Variants in PLCG1 observed in about 807,000 individuals in gnomAD.
PLCG1 encodes the protein phospholipase C gamma 1.
Under a neutral mutation model 177.8 loss-of-function variants are expected in PLCG1, and 71 were observed. The ratio of observed to expected loss-of-function variants is 0.40; its 90% CI spans 0.33 to 0.49. The LOEUF is 0.49. PLCG1 is among the 20% of genes least tolerant of loss of function. The pLI is 0.72. For missense variants in PLCG1, 1,281 were observed against 1,709.0 expected (o/e 0.75, Z 4.42); for synonymous variants, 658 against 647.9 (o/e 1.02, Z -0.24).
Position 41,172,939 on chromosome 20 carries a change from T to G in PLCG1, c.3279+62T>G. On this transcript the variant is annotated intron_variant, in intron 27 of 31. Coordinates refer to ENST00000685551, the MANE Select transcript of PLCG1 (RefSeq NM_002660.3). The surrounding 1 kb of genome is among the most constrained non-coding windows in gnomAD (Gnocchi z 7.0). ...GGGCTGCTTGCCGTTGGAGTCTGTT[T>G]ATGTTGAGTTCTCCAAAAGTAGGTA... 1 of 1,549,114 alleles carries G rather than the reference T, an allele frequency of 6.5e-7. No homozygotes were observed. The highest frequency in any genetic ancestry group is 8.8e-7 in the Non-Finnish European group (1 of 1,136,382).
chr20:41,170,270 G>T lies in PLCG1; in HGVS notation c.2808+1G>T. ...AGTGGCCCAGACAGCAGACGCCAGG[G>T]TGAGATTCTGCTGGAACCTTCTGGG... On this transcript the variant is annotated splice_donor_variant, in intron 24 of 31. Transcript: ENST00000685551. LOFTEE classifies it high-confidence loss of function. The T allele has an allele frequency of 6.2e-7, 1 of 1,614,086 alleles. No homozygotes were observed. Among genetic ancestry groups the T allele is most frequent in the Non-Finnish European group, 8.5e-7 (1 of 1,179,972 alleles).
rs772001122 is a variant in PLCG1, at chr20:41,160,153, G to A, written c.512G>A (p.Arg171His). The A allele has an allele frequency of 1.3e-5, 21 of 1,613,654 alleles. No homozygotes were observed. The highest frequency in any genetic ancestry group is 1.6e-4 in the Middle Eastern group (1 of 6,082). The stretch of plus-strand genomic sequence containing the variant: ...TCAGTGGATCGGAATCGTGAGGATC[G>A]GTAAGTACTGAGCTGTGGCTGTAGC... ...FYSVDRNRED[R>H]ISAKDLKNML... The change falls in exon 4 of 32, where the codon CGT becomes CAT. Residue 171 changes from arginine (R) to histidine (H), a missense_variant and splice_region_variant. Physicochemically the swap from Arg to His is conservative, Grantham distance 29. Transcript: ENST00000685551. The surrounding 1 kb of genome is among the most constrained non-coding windows in gnomAD (Gnocchi z 5.5).
intron 1 of PLCG1, among the ~76,000 whole-genome samples, chr20:41,149,457 C>T (rs2035097460): frequency 1.3e-5 from 2 of 152,326 alleles, no homozygotes; most frequent in Non-Finnish European, 2.9e-5. Flanking sequence ...AATGGTGATG[C>T]TCTTAGCTGA....
rs1204776129 is a variant in PLCG1, at chr20:41,169,492, G to A, written c.2616G>A (p.Leu872=). The A allele has an allele frequency of 3.1e-6, 5 of 1,613,804 alleles. No homozygotes were observed. The highest frequency in any genetic ancestry group is 4.2e-6 in the Non-Finnish European group (5 of 1,179,744). The change falls in exon 23 of 32, where the codon CTG becomes CTA. Residue 872 remains leucine (L), a synonymous_variant. Coordinates refer to ENST00000685551, the MANE Select transcript of PLCG1 (RefSeq NM_002660.3). The stretch of plus-strand genomic sequence containing the variant: ...AGAACAGCCCCCTAGGGGACTTGCT[G>A]CGGGGGGTCTTGGATGTGCCGGCTT... ...LDENSPLGDL[L]RGVLDVPACQ...
At chr20:41,143,612 G>C (rs1356979219) in intron 1 of PLCG1, among the ~76,000 whole-genome samples, 1 of 152,170 alleles carries the variant, frequency 6.6e-6, no homozygotes, top group Non-Finnish European at 1.5e-5. Context: ...CCACGGGTGA[G>C]GAGTGGCTTC....
chr20:41,155,188 T>C (rs1403649336), intron 1 of PLCG1, among the ~76,000 whole-genome samples: 1 of 152,232 alleles, frequency 6.6e-6, no homozygotes, highest in Non-Finnish European at 1.5e-5. Flanking sequence ...CTTTAATGCT[T>C]AGAGCTGGCC....
rs2035656127 is a variant in PLCG1, at chr20:41,165,588, T to G, written c.1611+37T>G. 1 of 1,610,390 alleles carries G rather than the reference T, an allele frequency of 6.2e-7. No individual in the cohort carries two copies. Among genetic ancestry groups the G allele is most frequent in the Admixed American group, 1.7e-5 (1 of 59,994 alleles). Reference sequence around the variant, plus strand: ...GCTCAGGTCTGGGGGCTGGGCCAGGTCAGGCCTGGGCCAGGGTCACAGTAT... The same window carrying G: ...GCTCAGGTCTGGGGGCTGGGCCAGGGCAGGCCTGGGCCAGGGTCACAGTAT... On this transcript the variant is annotated intron_variant, in intron 15 of 31. Transcript: ENST00000685551. The surrounding 1 kb of genome is among the most constrained non-coding windows in gnomAD (Gnocchi z 6.6).
intron 21 of PLCG1, 49 bp from the exon 22 acceptor site, chr20:41,169,030 T>G (rs760177337): frequency 6.9e-7 from 1 of 1,441,980 alleles, no homozygotes; most frequent in South Asian, 1.1e-5. Flanking sequence ...ACCCTCCTCA[T>G]GGGAGTTCGG....
chr20:41,145,486 G>A (rs193135465), intron 1 of PLCG1, among the ~76,000 whole-genome samples: 11 of 152,152 alleles, frequency 7.2e-5, no homozygotes, highest in South Asian at 2.1e-4. Flanking sequence ...AGCTGCCCCC[G>A]CCTTCCCCAC....
chr20:41,164,325 CT>C lies in PLCG1; in HGVS notation c.1217+126del. 2 of 998,484 alleles carry C rather than the reference CT, an allele frequency of 2.0e-6. No individual in the cohort carries two copies. Among genetic ancestry groups the C allele is most frequent in the Non-Finnish European group, 1.5e-6 (1 of 664,804 alleles). 61.9% of individuals were successfully genotyped at this position (998,484 alleles called of 1,614,324 possible). On this transcript the variant is annotated intron_variant, in intron 12 of 31. Coordinates refer to ENST00000685551, the MANE Select transcript of PLCG1 (RefSeq NM_002660.3). This position sits in a 1 kb window ranked among gnomAD's most constrained non-coding sequence, Gnocchi z 6.4. ...TCTCCCTCAGCCTTTCATCTTTGTC[CT>C]TCCTCTTGGCCTCTCCTCGTCACCT...
In PLCG1 at chr20:41,146,926, C is replaced by T. The variant is rs185197256; in HGVS notation, c.217+9068C>T. Among the ~76,000 whole-genome samples the T allele has an allele frequency of 5.5e-4, 83 of 152,244 alleles. No individual in the cohort carries two copies. Among genetic ancestry groups the T allele is most frequent in the African/African-American group, 2.0e-3 (83 of 41,530 alleles). ...GGAGTGAAGGAGAGCTCCAGTTGGC[C>T]ATAGGTCCCACAGGTTTCTCAGCTT... is the stretch of plus-strand genomic sequence containing the variant. On this transcript the variant is annotated intron_variant, in intron 1 of 31. Coordinates refer to ENST00000685551, the MANE Select transcript of PLCG1 (RefSeq NM_002660.3). The surrounding 1 kb of genome is among the most constrained non-coding windows in gnomAD (Gnocchi z 6.3).
intron 24 of PLCG1, among the ~76,000 whole-genome samples, chr20:41,171,536 G>A (rs571089061): frequency 2.1e-5 from 3 of 140,856 alleles, no homozygotes; most frequent in South Asian, 2.3e-4. Flanking sequence ...GCAGTGAGCC[G>A]AGATCACGCC....
In PLCG1 at chr20:41,147,850, T is replaced by TAA. The variant is rs376827069; in HGVS notation, c.217+10006_217+10007dup. 2.8e-5 allele frequency among the ~76,000 whole-genome samples: 4 copies of TAA among 142,544 alleles called. No homozygotes were observed. The highest frequency in any genetic ancestry group is 1.0e-4 in the African/African-American group (4 of 38,840). 93.5% of individuals were successfully genotyped at this position (142,544 alleles called of 152,430 possible). ...GTGACAGAGCAAGACTCTGTCTCTTTAAAAAAAAAAAAAAATTTAAGCTGG... is the reference window on the plus strand; with the variant it reads ...GTGACAGAGCAAGACTCTGTCTCTTTAAAAAAAAAAAAAAAAATTTAAGCTGG... On this transcript the variant is annotated intron_variant, in intron 1 of 31. Transcript: ENST00000685551. The surrounding 1 kb of genome is among the most constrained non-coding windows in gnomAD (Gnocchi z 4.0).
At position 41,163,494 on chromosome 20, in the gene PLCG1, T is replaced by A; in HGVS notation, c.891+15T>A. On this transcript the variant is annotated intron_variant, in intron 9 of 31. Coordinates refer to ENST00000685551, the MANE Select transcript of PLCG1 (RefSeq NM_002660.3). This position sits in a 1 kb window ranked among gnomAD's most constrained non-coding sequence, Gnocchi z 5.2. ...TCCTGGATGAGGTGAGCCCGATGTTTCACCCATTTTTTGTCAAGAGAATGA... is the reference window on the plus strand; with the variant it reads ...TCCTGGATGAGGTGAGCCCGATGTTACACCCATTTTTTGTCAAGAGAATGA... The A allele has an allele frequency of 6.3e-7, 1 of 1,578,554 alleles. No homozygotes were observed. Among genetic ancestry groups the A allele is most frequent in the Non-Finnish European group, 8.7e-7 (1 of 1,150,110 alleles).
In PLCG1 at chr20:41,151,938, C is replaced by T. The variant is rs965067333; in HGVS notation, c.218-7668C>T. Among the ~76,000 whole-genome samples the T allele has an allele frequency of 2.0e-5, 3 of 152,156 alleles. No homozygotes were observed. The highest frequency in any genetic ancestry group is 7.2e-5 in the African/African-American group (3 of 41,446). On this transcript the variant is annotated intron_variant, in intron 1 of 31. Transcript: ENST00000685551. The surrounding 1 kb of genome is among the most constrained non-coding windows in gnomAD (Gnocchi z 5.5). ...GGGGGATCTGCAGTGCAGTGCCTGC[C>T]GTACCCCACAGGGAGTTGTATAGGA...
rs2146049330 is a variant in PLCG1 at position 41,167,650 on chromosome 20, G to A, written c.2302-202G>A. 2 of 584,568 alleles carry A rather than the reference G, an allele frequency of 3.4e-6. No individual in the cohort carries two copies. The highest frequency in any genetic ancestry group is 5.7e-5 in the East Asian group (2 of 35,228). The allele number at this position is 584,568 out of a possible 1,614,324, so 36.2% of individuals were successfully genotyped here. A position where few individuals can be genotyped will look rare whatever the true frequency, so the allele number is the denominator to read the frequency against. ...TAGAATCCTGGGCTGGGCCTTACAT[G>A]TAAGAATGTGAAGAAAGGAAAGGGA... On this transcript the variant is annotated intron_variant, in intron 19 of 31. Transcript: ENST00000685551. This position sits in a 1 kb window ranked among gnomAD's most constrained non-coding sequence, Gnocchi z 4.4.
rs35980938 is a variant in PLCG1 at position 41,157,204 on chromosome 20, CTGTGTGTGTGTGTGTG to C, written c.218-2380_218-2365del. Among the ~76,000 whole-genome samples the C allele has an allele frequency of 8.4e-3, 1,215 of 144,030 alleles. 7 individuals carry two copies. The highest frequency in any genetic ancestry group is 0.013 in the Non-Finnish European group (840 of 66,732). 94.5% of individuals were successfully genotyped at this position (144,030 alleles called of 152,430 possible). A position where few individuals can be genotyped will look rare whatever the true frequency, so the allele number is the denominator to read the frequency against. On this transcript the variant is annotated intron_variant, in intron 1 of 31. Transcript: ENST00000685551. This position sits in a 1 kb window ranked among gnomAD's most constrained non-coding sequence, Gnocchi z 5.4. ...GTGCAGGAGTGCAGGCCTGTTGACT[CTGTGTGTGTGTGTGTG>C]TGTGTGTGTGTGTGTGTGTGTACAG...
rs1176868520 is a variant in PLCG1 at position 41,159,702 on chromosome 20, A to G, written c.314A>G (p.His105Arg). Residue 105 changes from histidine to arginine, a missense_variant, in exon 2 of 32, where the codon CAT becomes CGT. This residue lies in a region of PLCG1 where 374 missense variants were observed against 443.8 expected (regional missense o/e 0.84). Transcript: ENST00000685551. The surrounding 1 kb of genome is among the most constrained non-coding windows in gnomAD (Gnocchi z 6.0). Reference sequence around the variant, plus strand: ...CCAGCTTTCCGGCCGGACCAGTCACATTGCTTTGTCATTCTCTATGGAATG... The same window carrying G: ...CCAGCTTTCCGGCCGGACCAGTCACGTTGCTTTGTCATTCTCTATGGAATG... ...EDPAFRPDQS[H>R]CFVILYGMEF... is the part of the protein sequence containing the mutation. 3 of 1,614,174 alleles carry G rather than the reference A, an allele frequency of 1.9e-6. No individual in the cohort carries two copies. The African/African-American group carries it at 4.0e-5, about 22-fold the overall frequency.
chr20:41,172,417 C>T lies in PLCG1; in HGVS notation c.2906-4C>T. 6.2e-7 allele frequency: 1 copy of T among 1,613,654 alleles called. No individual in the cohort carries two copies. The highest frequency in any genetic ancestry group is 8.5e-7 in the Non-Finnish European group (1 of 1,179,596). On this transcript the variant is annotated splice_region_variant and splice_polypyrimidine_tract_variant and intron_variant, in intron 25 of 31. Transcript: ENST00000685551. This position sits in a 1 kb window ranked among gnomAD's most constrained non-coding sequence, Gnocchi z 7.0. ...TCTGTAAGTGTTTTCCCTGTTTGGC[C>T]CAGAGATTGGCACAGAACGTGCTTG... is the stretch of plus-strand genomic sequence containing the variant.
Sources: allele counts gnomAD v4.1 joint callset (sites outside exome capture counted in the v4.1 genomes callset), GRCh38; gene constraint gnomAD v4.1.1; regional missense constraint gnomAD v4.1.1; non-coding constraint Gnocchi (gnomAD v3.1); transcripts MANE v1.5; gene names NCBI Gene and HGNC (gene_info 2026-07-23, HGNC 2026-07-21).